Variants in BMPR1A observed in about 807,000 individuals in gnomAD.
BMPR1A encodes bone morphogenetic protein receptor type 1A.
A neutral mutation model predicts 66.0 loss-of-function variants in BMPR1A; 7 were observed. That is an observed-to-expected ratio of 0.11 (90% CI 0.06 to 0.20). The LOEUF (loss-of-function observed/expected upper bound fraction) is 0.20. BMPR1A is among the 10% of genes least tolerant of loss of function. The pLI is 1.00. For missense variants in BMPR1A, 408 were observed against 669.1 expected, an observed-to-expected ratio of 0.61 and a Z score of 4.31; for synonymous variants, 200 against 229.7, an observed-to-expected ratio of 0.87 and a Z score of 1.17.
intron 7 of BMPR1A, among the ~76,000 whole-genome samples, chr10:86,901,184 C>T (rs527966713): frequency 6.6e-6 from 1 of 152,322 alleles, no homozygotes; most frequent in Admixed American, 6.5e-5. Flanking sequence ...AGTGAGCCAC[C>T]TTGGAAGTGA....
chr10:86,824,081 T>TTGTGTGTGTGTGTGTGTGTGTGTG (rs71477609), intron 1 of BMPR1A, among the ~76,000 whole-genome samples: 174 of 94,118 alleles, frequency 1.8e-3, no homozygotes, highest in African/African-American at 4.5e-3. Context: ...TTACCAAGGG[T>TTGTGTGTGTGTGTGTGTGTGTGTG]TGTGTGTGTG....
intron 1 of BMPR1A, among the ~76,000 whole-genome samples, chr10:86,781,817 T>TC (rs1204304298): frequency 6.7e-6 from 1 of 150,336 alleles, no homozygotes; most frequent in Non-Finnish European, 1.5e-5. Context: ...TAGCATAAAG[T>TC]CCCCATGGTT....
At position 86,890,238 on chromosome 10, in the gene BMPR1A, G is replaced by A. The variant is rs1843128914; in HGVS notation, c.230+14G>A. ...TAACACATGCATGTAAGTATTTTAT[G>A]CAGCCCTTCTTAAGAGTTAGGAGAA... On this transcript the variant is annotated intron_variant, in intron 4 of 12. Transcript: ENST00000372037. 1.9e-6 allele frequency: 3 copies of A among 1,613,630 alleles called. No homozygotes were observed. Among genetic ancestry groups the A allele is most frequent in the Non-Finnish European group, 1.7e-6 (2 of 1,179,614 alleles).
At chr10:86,862,791 A>T (rs78598210) in intron 2 of BMPR1A, among the ~76,000 whole-genome samples, 10 of 147,048 alleles carry the variant, frequency 6.8e-5, no homozygotes, top group South Asian at 4.3e-4. Context: ...TTCTAAAAAT[A>T]AAAAAAAAAA....
chr10:86,931,298 C>CACACACATATATATATATATATATAT, downstream of BMPR1A: 22 of 90,838 alleles, frequency 2.4e-4, no homozygotes, highest in African/African-American at 9.2e-4. Context: ...CACACACACA[C>CACACACATATATATATATATATATAT]ATATATATAT....
chr10:86,790,818 A>G (rs1841605527), intron 1 of BMPR1A, among the ~76,000 whole-genome samples: 1 of 152,224 alleles, frequency 6.6e-6, no homozygotes, highest in Non-Finnish European at 1.5e-5. Flanking sequence ...CTTTGTGAAT[A>G]TGCCGATAGC....
At chr10:86,783,547 C>T (rs371547319) in intron 1 of BMPR1A, among the ~76,000 whole-genome samples, 1 of 152,138 alleles carries the variant, frequency 6.6e-6, no homozygotes, top group Non-Finnish European at 1.5e-5. Flanking sequence ...GTGTACAAGT[C>T]TTTTGCCTCC....
At chr10:86,892,067 T>G in intron 4 of BMPR1A, 60 bp from the exon 5 acceptor site, 1 of 1,382,756 alleles carries the variant, frequency 7.2e-7, no homozygotes, top group East Asian at 2.4e-5. Context: ...AGACTCAAAT[T>G]TCGTTAGTAC....
At chr10:86,880,881 A>C (rs1842976987) in intron 3 of BMPR1A, among the ~76,000 whole-genome samples, 1 of 150,942 alleles carries the variant, frequency 6.6e-6, no homozygotes, top group Admixed American at 6.6e-5. Flanking sequence ...GTTTAAATCC[A>C]CGTGTTTGTA....
intron 1 of BMPR1A, among the ~76,000 whole-genome samples, chr10:86,760,244 C>CCTTTTTTTTTTTTTTTTTTTTTTTTT (rs1841026307): frequency 3.6e-5 from 1 of 27,826 alleles, no homozygotes; most frequent in African/African-American, 1.3e-4. Context: ...TTCTTTCTTT[C>CCTTTTTTTTTTTTTTTTTTTTTTTTT]TTTCTTTTTT....
At chr10:86,914,874 T>C (rs1843541854) in intron 8 of BMPR1A, among the ~76,000 whole-genome samples, 1 of 152,200 alleles carries the variant, frequency 6.6e-6, no homozygotes, top group African/African-American at 2.4e-5. Context: ...CCAAGAGATA[T>C]GAAAACTTGT....
chr10:86,917,375 G>A, intron 9 of BMPR1A, 49 bp downstream of exon 9: 2 of 1,603,562 alleles, frequency 1.2e-6, no homozygotes, highest in Non-Finnish European at 1.7e-6. Context: ...AGGCTAGTGA[G>A]GTACAGGTGG....
At chr10:86,802,609 C>T (rs190001074) in intron 1 of BMPR1A, among the ~76,000 whole-genome samples, 1 of 151,726 alleles carries the variant, frequency 6.6e-6, no homozygotes, top group African/African-American at 2.4e-5. Context: ...GCTCTCAGAT[C>T]AGCTGGTGCA....
intron 1 of BMPR1A, among the ~76,000 whole-genome samples, chr10:86,767,556 T>A (rs554090676): frequency 6.6e-6 from 1 of 152,110 alleles, no homozygotes; most frequent in East Asian, 1.9e-4. Context: ...TATGCACTTG[T>A]AGTCTCAGCA....
chr10:86,915,188 G>C (rs1008948758), intron 8 of BMPR1A, among the ~76,000 whole-genome samples: 2 of 152,074 alleles, frequency 1.3e-5, no homozygotes, highest in African/African-American at 2.4e-5. Context: ...ACCATGCCCA[G>C]CTAATTTTTG....
chr10:86,758,119 G>T (rs1465639844), intron 1 of BMPR1A, among the ~76,000 whole-genome samples: 1 of 152,192 alleles, frequency 6.6e-6, no homozygotes, highest in Non-Finnish European at 1.5e-5. Flanking sequence ...TAAAATATGG[G>T]CAATTCTCTG....
rs377258671 is a variant in BMPR1A, at chr10:86,854,756, C to G, written c.-153+15777C>G. 2.6e-3 allele frequency: 629 copies of G among 240,520 alleles called. 1 individual carries two copies. The highest frequency in any genetic ancestry group is 0.014 in the African/African-American group (608 of 43,668). 14.9% of individuals were successfully genotyped at this position (240,520 alleles called of 1,614,324 possible). On this transcript the variant is annotated intron_variant, in intron 2 of 12. Coordinates refer to ENST00000372037, the MANE Select transcript of BMPR1A (RefSeq NM_004329.3). ...AAACGTATCATCCTCTATAAAACTC[C>G]CTGATCCTCAGATTTAACTTTTCAG...
At chr10:86,779,718 A>C (rs936858758) in intron 1 of BMPR1A, among the ~76,000 whole-genome samples, 6 of 152,016 alleles carry the variant, frequency 3.9e-5, no homozygotes, top group African/African-American at 1.4e-4. Context: ...TCCTACCTCA[A>C]CTTCCTGAGT....
At chr10:86,874,412 C>T (rs1291783293) in intron 2 of BMPR1A, among the ~76,000 whole-genome samples, 2 of 151,944 alleles carry the variant, frequency 1.3e-5, no homozygotes, top group African/African-American at 4.8e-5. Flanking sequence ...CCCTCCTCTC[C>T]TCTTTTTTTA....
Sources: gnomAD v4.1 joint callset for allele counts (sites outside exome capture counted in the v4.1 genomes callset) on GRCh38, gnomAD v4.1.1 for gene constraint, MANE v1.5 for transcripts, NCBI Gene and HGNC (gene_info 2026-07-23, HGNC 2026-07-21) for gene names.